CAP1: variants seen among roughly 807,000 people sequenced by gnomAD.
CAP1 encodes the protein adenylyl cyclase-associated protein 1.
Under a neutral mutation model 58.2 loss-of-function variants are expected in CAP1, and 11 were observed. The ratio of observed to expected loss-of-function variants is 0.19; its 90% CI spans 0.12 to 0.31. The LOEUF is 0.31. CAP1 is among the 10% of genes least tolerant of loss of function. The pLI, the probability that CAP1 is intolerant of heterozygous loss-of-function variation, is 1.00. For missense variants in CAP1, 423 were observed against 587.5 expected, an observed-to-expected ratio of 0.72 and a Z score of 2.89; for synonymous variants, 183 against 213.8, an observed-to-expected ratio of 0.86 and a Z score of 1.26.
intron 1 of CAP1, among the ~76,000 whole-genome samples, chr1:40,049,328 T>C (rs1646253522): frequency 6.6e-6 from 1 of 151,668 alleles, no homozygotes; most frequent in African/African-American, 2.4e-5. Flanking sequence ...GGTGGTGTTT[T>C]TACAAGATGA....
At chr1:40,053,269 C>T (rs1057285509) in intron 1 of CAP1, among the ~76,000 whole-genome samples, 2 of 152,070 alleles carry the variant, frequency 1.3e-5, no homozygotes, top group Non-Finnish European at 2.9e-5. Context: ...ACTAAAGACA[C>T]CATAAAGAGA....
chr1:40,055,948 G>T (rs1646596209), intron 1 of CAP1, among the ~76,000 whole-genome samples: 1 of 152,174 alleles, frequency 6.6e-6, no homozygotes, highest in East Asian at 1.9e-4. Flanking sequence ...CCAGGACTGT[G>T]CCAAGCACTT....
intron 1 of CAP1, among the ~76,000 whole-genome samples, chr1:40,046,254 G>A (rs1646095695): frequency 2.0e-5 from 3 of 152,110 alleles, no homozygotes; most frequent in Non-Finnish European, 2.9e-5. Flanking sequence ...TCAGGAGTTC[G>A]AGACCAGCCT....
chr1:40,049,178 A>ATTTTTTTTT lies in CAP1; in HGVS notation c.-11+8395_-11+8403dup, dbSNP rs72214452. Among the ~76,000 whole-genome samples, 35 of 84,880 alleles carry ATTTTTTTTT rather than the reference A, an allele frequency of 4.1e-4. 2 individuals carry two copies. The highest frequency in any genetic ancestry group is 1.4e-3 in the East Asian group (3 of 2,194). 55.7% of individuals were successfully genotyped at this position (84,880 alleles called of 152,430 possible). ...TGGCAGGAATCACTAGCCATTTCTA[A>ATTTTTTTTT]TTTTTTTTTTTTTTTTTTTTTTTTT... On this transcript the variant is annotated intron_variant, in intron 1 of 12. Transcript: ENST00000372805.
intron 2 of CAP1, among the ~76,000 whole-genome samples, chr1:40,059,752 C>T (rs1021886985): frequency 1.3e-5 from 2 of 152,154 alleles, no homozygotes; most frequent in African/African-American, 4.8e-5. Context: ...TCTCTCCAAA[C>T]AATTGGCAAA....
chr1:40,067,279 A>G, intron 7 of CAP1: 1 of 414,006 alleles, frequency 2.4e-6, no homozygotes, highest in Middle Eastern at 6.1e-4. Context: ...TGTCAAGTAG[A>G]TTTGTGGAAA....
At chr1:40,066,360 T>C in intron 7 of CAP1, 40 bp downstream of exon 7, 1 of 930,588 alleles carries the variant, frequency 1.1e-6, no homozygotes, top group Non-Finnish European at 1.7e-6. Flanking sequence ...CCCTCCCACT[T>C]TCTCTCTCCA....
chr1:40,046,682 AT>A (rs1360548681), intron 1 of CAP1, among the ~76,000 whole-genome samples: 1 of 151,886 alleles, frequency 6.6e-6, no homozygotes, highest in Non-Finnish European at 1.5e-5. Flanking sequence ...GGTGTAACTT[AT>A]TACTCCTGGG....
chr1:40,052,738 C>T (rs1044927371), intron 1 of CAP1, among the ~76,000 whole-genome samples: 1 of 151,760 alleles, frequency 6.6e-6, no homozygotes, highest in African/African-American at 2.4e-5. Flanking sequence ...TATGTCTCAT[C>T]TATCCTGAAT....
chr1:40,061,664 T>G (rs1172135693), intron 3 of CAP1, 71 bp from the exon 4 acceptor site: 2 of 1,240,044 alleles, frequency 1.6e-6, no homozygotes, highest in East Asian at 4.6e-5. Flanking sequence ...GAAGTAGAGG[T>G]TTCAGGTTAT....
chr1:40,049,794 A>T (rs944724655), intron 1 of CAP1, among the ~76,000 whole-genome samples: 1 of 151,982 alleles, frequency 6.6e-6, no homozygotes, highest in Non-Finnish European at 1.5e-5. Flanking sequence ...GCCACAACCC[A>T]TTTCTGCCTA....
In CAP1 at chr1:40,067,587, C is replaced by T. The variant is rs201296194; in HGVS notation, c.678C>T (p.Ala226=). The change falls in exon 8 of 13, where the codon GCC becomes GCT. Residue 226 remains alanine (A), a synonymous_variant. Transcript: ENST00000372805. ...ELSGLPSGPS[A]GSCPPPPPPC... ...GCGGACTGCCATCTGGACCCTCTGC[C>T]GGATCATGTCCTCCTCCCCCTCCAC... is the stretch of plus-strand genomic sequence containing the variant. 1,039 of 1,609,716 alleles carry T rather than the reference C, an allele frequency of 6.5e-4. 4 individuals are homozygous for T. In the African/African-American group the frequency reaches 9.9e-3, roughly 15 times the overall value.
chr1:40,040,528 C>T (rs1645763096), upstream of CAP1: 1 of 152,460 alleles, frequency 6.6e-6, no homozygotes, highest in African/African-American at 2.4e-5. Flanking sequence ...CGTGTCGCTC[C>T]CGCCTTGAGG....
At chr1:40,045,987 A>C (rs1053583289) in intron 1 of CAP1, among the ~76,000 whole-genome samples, 1 of 152,184 alleles carries the variant, frequency 6.6e-6, no homozygotes, top group South Asian at 2.1e-4. Flanking sequence ...CACACCTGGC[A>C]GATGTGATCT....
Position 40,064,459 on chromosome 1 carries a change from C to A in CAP1, c.439-15C>A. ...TGGAGAGGTCCTGAGTCACTGACAG[C>A]TTGTCTCTCTCTAGGCTCCCAAGCC... On this transcript the variant is annotated splice_polypyrimidine_tract_variant and intron_variant, in intron 5 of 12. Coordinates refer to ENST00000372805, the MANE Select transcript of CAP1 (RefSeq NM_006367.4). 6.2e-7 allele frequency: 1 copy of A among 1,612,100 alleles called. No individual in the cohort carries two copies.
chr1:40,071,103 A>G lies in CAP1; in HGVS notation c.1344+124A>G, dbSNP rs1214519735. On this transcript the variant is annotated intron_variant, in intron 12 of 12. Coordinates refer to ENST00000372805, the MANE Select transcript of CAP1 (RefSeq NM_006367.4). ...AGGTAAAAACCCAATAATGCACACC[A>G]AAAGTACACAGAAATGAGGTAGTCC... The G allele has an allele frequency of 1.0e-5, 9 of 883,168 alleles. No homozygotes were observed. The East Asian group carries it at 1.7e-4, about 17-fold the overall frequency. The allele number at this position is 883,168 out of a possible 1,614,324, so 54.7% of individuals were successfully genotyped here. A position where few individuals can be genotyped will look rare whatever the true frequency, so the allele number is the denominator to read the frequency against.
At chr1:40,060,930 C>T (rs1307914672) in intron 3 of CAP1, among the ~76,000 whole-genome samples, 2 of 152,126 alleles carry the variant, frequency 1.3e-5, no homozygotes, top group Admixed American at 1.3e-4. Flanking sequence ...TTACTTAATA[C>T]AGTTCTGTAA....
At chr1:40,042,031 T>C (rs893403954) in intron 1 of CAP1, among the ~76,000 whole-genome samples, 1 of 145,194 alleles carries the variant, frequency 6.9e-6, no homozygotes, top group African/African-American at 2.7e-5. Context: ...ACCAGACTTT[T>C]ATTTAATTTA....
chr1:40,064,099 A>G, intron 4 of CAP1, 128 bp from the exon 5 acceptor site: 1 of 811,950 alleles, frequency 1.2e-6, no homozygotes, highest in South Asian at 1.7e-5. Flanking sequence ...AGGAATCAGG[A>G]CAGGACTCAT....
Sources: allele counts gnomAD v4.1 joint callset (sites outside exome capture counted in the v4.1 genomes callset), GRCh38; gene constraint gnomAD v4.1.1; transcripts MANE v1.5; gene names NCBI Gene and HGNC (gene_info 2026-07-23, HGNC 2026-07-21).